Variants in IL16 observed in about 807,000 individuals in gnomAD.
The protein encoded by IL16 is interleukin 16.
In IL16, 67 loss-of-function variants were observed where a neutral mutation model predicts 110.1. The ratio of observed to expected loss-of-function variants is 0.61; its 90% CI spans 0.50 to 0.75. The LOEUF (loss-of-function observed/expected upper bound fraction) is 0.75. Ranked by LOEUF, IL16 falls within the 30% of genes least tolerant of loss-of-function variation. The pLI, the probability that IL16 is intolerant of heterozygous loss-of-function variation, is 0.00. For missense variants in IL16, 1,545 were observed against 1,655.0 expected (o/e 0.93, Z 1.15); for synonymous variants, 689 against 662.9 (o/e 1.04, Z -0.61).
At chr15:81,287,442 C>T (rs1377765951) in intron 10 of IL16, among the ~76,000 whole-genome samples, 1 of 152,198 alleles carries the variant, frequency 6.6e-6, no homozygotes, top group African/African-American at 2.4e-5. Context: ...TGAATCCCTG[C>T]TGTTGGTGAG....
chr15:81,289,974 G>A (rs768098092), intron 10 of IL16: 32 of 421,904 alleles, frequency 7.6e-5, no homozygotes, highest in East Asian at 1.4e-4. Flanking sequence ...TAGAGGAACC[G>A]GGACTAGAAC....
chr15:81,222,961 A>C (rs1159497954), intron 1 of IL16, among the ~76,000 whole-genome samples: 1 of 152,186 alleles, frequency 6.6e-6, no homozygotes, highest in Admixed American at 6.6e-5. Context: ...GCAGAGGAAC[A>C]TTCACAATTT....
rs561979167 is a variant in IL16, at chr15:81,287,516, G to A, written c.1332+1686G>A. Among the ~76,000 whole-genome samples the A allele has an allele frequency of 5.9e-5, 9 of 152,326 alleles. No individual in the cohort carries two copies. The East Asian group carries it at 1.7e-3, about 29-fold the overall frequency. Reference sequence around the variant, plus strand: ...TTTAATCTTAATATGCACCAGGCATGTTTTTCAAAGATGTGACCCACACAA... The same window carrying A: ...TTTAATCTTAATATGCACCAGGCATATTTTTCAAAGATGTGACCCACACAA... On this transcript the variant is annotated intron_variant, in intron 10 of 18. Coordinates refer to ENST00000683961, the MANE Select transcript of IL16 (RefSeq NM_172217.5).
At chr15:81,207,361 TA>T (rs996177116) in intron 1 of IL16, among the ~76,000 whole-genome samples, 1 of 152,200 alleles carries the variant, frequency 6.6e-6, no homozygotes, top group Admixed American at 6.5e-5. Flanking sequence ...TACAGATTTT[TA>T]AAAAGTGATT....
In IL16 at chr15:81,296,928, G is replaced by A; in HGVS notation, c.1903G>A (p.Glu635Lys). The change falls in exon 13 of 19, where the codon GAA becomes AAA. Residue 635 changes from glutamate (E) to lysine (K), a missense_variant and splice_region_variant. Physicochemically the swap from Glu to Lys is moderately conservative, Grantham distance 56. Transcript: ENST00000683961. ...GTCTCGCTTCCTGTTTACACCACAG[G>A]AAGCGAGAGAGCTGCTGCCACTGCT... The part of the protein sequence containing the change: ...SGHTPPTCGQ[E>K]ARELLPLLLP... The A allele has an allele frequency of 6.2e-7, 1 of 1,608,120 alleles. No homozygotes were observed. The highest frequency in any genetic ancestry group is 8.5e-7 in the Non-Finnish European group (1 of 1,177,246).
chr15:81,284,850 A>G (rs1899368103), intron 9 of IL16, among the ~76,000 whole-genome samples: 1 of 152,234 alleles, frequency 6.6e-6, no homozygotes, highest in South Asian at 2.1e-4. Flanking sequence ...CTGTCATGCT[A>G]TTAATATAAC....
intron 1 of IL16, among the ~76,000 whole-genome samples, chr15:81,201,156 T>C (rs1216692892): frequency 2.3e-5 from 3 of 131,112 alleles, no homozygotes; most frequent in Admixed American, 1.6e-4. Flanking sequence ...TGTGTGTCTC[T>C]GTGTGTGTGT....
chr15:81,194,798 G>A (rs926320001), upstream of IL16, among the ~76,000 whole-genome samples: 28 of 152,148 alleles, frequency 1.8e-4, no homozygotes, highest in African/African-American at 6.8e-4. Context: ...TGCAGTAGAA[G>A]TTTCTAATTT....
chr15:81,284,274 A>G (rs953059302), intron 9 of IL16, among the ~76,000 whole-genome samples: 2 of 152,202 alleles, frequency 1.3e-5, no homozygotes, highest in African/African-American at 4.8e-5. Context: ...CTAAATCAGG[A>G]GAGTTTTGCC....
intron 2 of IL16, among the ~76,000 whole-genome samples, chr15:81,234,291 CTT>C (rs1275585263): frequency 6.6e-6 from 1 of 152,026 alleles, no homozygotes; most frequent in African/African-American, 2.4e-5. Context: ...TGTGTACTCT[CTT>C]ATTATTTAGT....
At chr15:81,193,788 G>T (rs1016925872), upstream of IL16, among the ~76,000 whole-genome samples, 1 of 152,228 alleles carries the variant, frequency 6.6e-6, no homozygotes, top group Non-Finnish European at 1.5e-5. Flanking sequence ...GTTTGCATCC[G>T]TAAGTGGGGA....
intron 1 of IL16, among the ~76,000 whole-genome samples, chr15:81,185,853 C>T (rs1400946544): frequency 6.6e-6 from 1 of 152,128 alleles, no homozygotes; most frequent in Non-Finnish European, 1.5e-5. Flanking sequence ...GATGGAGAAG[C>T]AAATGGGCGA....
At chr15:81,205,161 C>G (rs987412504) in intron 1 of IL16, among the ~76,000 whole-genome samples, 1 of 151,932 alleles carries the variant, frequency 6.6e-6, no homozygotes. Flanking sequence ...CAAAAATTAG[C>G]CGGGCATAGT....
At chr15:81,285,415 T>C (rs1432714073) in intron 9 of IL16, among the ~76,000 whole-genome samples, 2 of 152,190 alleles carry the variant, frequency 1.3e-5, no homozygotes, top group South Asian at 4.1e-4. Flanking sequence ...CATAGTTAAA[T>C]GTGAAAAGAA....
At chr15:81,293,151 AC>A in intron 12 of IL16, 114 bp downstream of exon 12, 1 of 1,150,702 alleles carries the variant, frequency 8.7e-7, no homozygotes, top group Non-Finnish European at 1.2e-6. Context: ...CTCCTGCTCC[AC>A]CAGAGAGAAA....
intron 2 of IL16, among the ~76,000 whole-genome samples, chr15:81,232,057 T>G (rs1286895102): frequency 4.6e-5 from 6 of 130,312 alleles, no homozygotes; most frequent in Non-Finnish European, 1.0e-4. Flanking sequence ...TTTTTTTTTT[T>G]TTTTTTTTTC....
At chr15:81,297,572 ATATT>A (rs1257123693) in intron 13 of IL16, among the ~76,000 whole-genome samples, 3 of 152,214 alleles carry the variant, frequency 2.0e-5, no homozygotes, top group African/African-American at 7.2e-5. Flanking sequence ...CATGACTTGA[ATATT>A]TATTTGCTTG....
intron 2 of IL16, among the ~76,000 whole-genome samples, chr15:81,242,695 T>C (rs992331119): frequency 6.6e-6 from 1 of 152,182 alleles, no homozygotes; most frequent in Admixed American, 6.5e-5. Context: ...CTGATCTTTA[T>C]GCTTTTTATT....
rs1436231282 is a variant in IL16 at position 81,306,020 on chromosome 15, C to G, written c.3533C>G (p.Ala1178Gly). The change falls in exon 17 of 19, where the codon GCC becomes GGC. Residue 1178 changes from alanine (A) to glycine (G), a missense_variant. By Grantham distance (60) the Ala-to-Gly change is moderately conservative. Coordinates refer to ENST00000683961, the MANE Select transcript of IL16 (RefSeq NM_172217.5). ...CTCAAGGGGACCACGCACCATGATG[C>G]CTTGGCCATCCTCCGCCAAGCTCGA... The part of the protein sequence containing the change: ...KSLKGTTHHD[A>G]LAILRQAREP... 1 of 1,614,262 alleles carries G rather than the reference C, an allele frequency of 6.2e-7. No individual in the cohort carries two copies. The highest frequency in any genetic ancestry group is 8.5e-7 in the Non-Finnish European group (1 of 1,180,054).
Sources: allele counts gnomAD v4.1 joint callset (sites outside exome capture counted in the v4.1 genomes callset), GRCh38; gene constraint gnomAD v4.1.1; transcripts MANE v1.5; gene names NCBI Gene and HGNC (gene_info 2026-07-23, HGNC 2026-07-21).